C1QTNF3: variants seen among roughly 807,000 people sequenced by gnomAD.
C1QTNF3 encodes C1q and TNF related 3, also known as complement C1q tumor necrosis factor-related protein 3.
In C1QTNF3, 26 loss-of-function variants were observed where a neutral mutation model predicts 32.6. The observed-to-expected ratio is 0.80, with a 90% CI of 0.58 to 1.11. The LOEUF (loss-of-function observed/expected upper bound fraction) is 1.11. Ranked by LOEUF, C1QTNF3 falls within the 50% of genes least tolerant of loss-of-function variation. C1QTNF3 has a pLI of 0.00. For missense variants in C1QTNF3, 362 were observed against 398.2 expected, an observed-to-expected ratio of 0.91 and a Z score of 0.77; for synonymous variants, 155 against 146.0, an observed-to-expected ratio of 1.06 and a Z score of -0.44.
chr5:34,157,292 T>C, the C1QTNF3 span, among the ~76,000 whole-genome samples: 2 of 152,234 alleles, frequency 1.3e-5, no homozygotes, highest in Non-Finnish European at 2.9e-5. Context: ...CTGTGTTATA[T>C]ACCAAACTTT....
chr5:34,101,698 A>G, the C1QTNF3 span, among the ~76,000 whole-genome samples: 1 of 152,180 alleles, frequency 6.6e-6, no homozygotes, highest in Admixed American at 6.5e-5. Context: ...TCTCTCCAGA[A>G]GGCCACAGAA....
At chr5:34,035,812 G>A (rs1754723856) in intron 1 of C1QTNF3, 54 bp from the exon 2 acceptor site, 2 of 1,392,442 alleles carry the variant, frequency 1.4e-6, no homozygotes, top group Non-Finnish European at 2.0e-6. Context: ...GAGCAATTAG[G>A]ATTTTTAAAT....
rs1047489328 is a variant in C1QTNF3 at position 34,022,205 on chromosome 5, G to A, written c.801-1463C>T. Among the ~76,000 whole-genome samples, 7 of 152,216 alleles carry A rather than the reference G, an allele frequency of 4.6e-5. No homozygotes were observed. The South Asian group carries it at 8.3e-4, about 18-fold the overall frequency. ...CCAGCTAAGTAAATAGAGTAAAATC[G>A]AGTAAAAAACAGAGTAAAAGCCTGC... On this transcript the variant is annotated intron_variant, in intron 5 of 5. Coordinates refer to ENST00000382065, the MANE Select transcript of C1QTNF3 (RefSeq NM_181435.6).
the C1QTNF3 span, among the ~76,000 whole-genome samples, chr5:34,091,097 A>G: frequency 6.6e-6 from 1 of 152,172 alleles, no homozygotes; most frequent in Non-Finnish European, 1.5e-5. Flanking sequence ...CTCCTGTCCC[A>G]AAGGGGTTGA....
chr5:34,174,034 G>C, the C1QTNF3 span, among the ~76,000 whole-genome samples: 2 of 152,158 alleles, frequency 1.3e-5, no homozygotes, highest in East Asian at 3.8e-4. Flanking sequence ...TTTCGATTTG[G>C]CTTATATGAT....
the C1QTNF3 span, among the ~76,000 whole-genome samples, chr5:34,121,892 G>A: frequency 2.0e-5 from 3 of 152,004 alleles, no homozygotes; most frequent in Admixed American, 6.6e-5. Flanking sequence ...GAGCTGTTCC[G>A]CCATTTGAAT....
In C1QTNF3 at chr5:34,043,019, A is replaced by G. The variant is rs1754913056; in HGVS notation, c.107T>C (p.Val36Ala). ...GTGGCTTTGCACTATTCTTGCCACCACTTTATTAGTTCTTCCGCTCACCTC... is the reference window on the plus strand; with the variant it reads ...GTGGCTTTGCACTATTCTTGCCACCGCTTTATTAGTTCTTCCGCTCACCTC... ...YMEVSGRTNK[V>A]VARIVQSHQQ... is the part of the protein sequence containing the mutation. The change falls in exon 1 of 6, where the codon GTG becomes GCG. Residue 36 changes from valine to alanine, a missense_variant. By Grantham distance (64) the Val-to-Ala change is moderately conservative. Transcript: ENST00000382065. The G allele has an allele frequency of 1.2e-6, 2 of 1,614,168 alleles. No individual in the cohort carries two copies. Among genetic ancestry groups the G allele is most frequent in the South Asian group, 2.2e-5 (2 of 91,090 alleles).
the C1QTNF3 span, among the ~76,000 whole-genome samples, chr5:34,118,834 A>C: frequency 1.3e-5 from 2 of 152,052 alleles, no homozygotes; most frequent in African/African-American, 2.4e-5. Flanking sequence ...CACATTGAAA[A>C]GGTTACAATC....
At chr5:34,134,685 T>C in the C1QTNF3 span, among the ~76,000 whole-genome samples, 1 of 152,198 alleles carries the variant, frequency 6.6e-6, no homozygotes, top group Non-Finnish European at 1.5e-5. Flanking sequence ...TTCGTAGCAA[T>C]TGTGAATGGG....
the C1QTNF3 span, among the ~76,000 whole-genome samples, chr5:34,143,073 C>A: frequency 6.6e-6 from 1 of 152,156 alleles, no homozygotes; most frequent in Non-Finnish European, 1.5e-5. Context: ...AGATTAGTAA[C>A]TTTTTAAAGA....
At chr5:34,121,929 A>G in the C1QTNF3 span, among the ~76,000 whole-genome samples, 15 of 152,222 alleles carry the variant, frequency 9.9e-5, 1 homozygote, top group Admixed American at 9.8e-4. Flanking sequence ...GATGTTTATG[A>G]ACCAGCAAGT....
chr5:34,237,987 C>T, the C1QTNF3 span, among the ~76,000 whole-genome samples: 2 of 152,196 alleles, frequency 1.3e-5, no homozygotes, highest in Admixed American at 6.5e-5. Flanking sequence ...TCTTAAGCAC[C>T]ATGCATTGGA....
At chr5:34,203,315 A>G in the C1QTNF3 span, among the ~76,000 whole-genome samples, 3 of 152,236 alleles carry the variant, frequency 2.0e-5, no homozygotes, top group East Asian at 5.8e-4. Context: ...AAATAGCAAT[A>G]TGGCAGAAAG....
chr5:34,237,655 T>C, the C1QTNF3 span, among the ~76,000 whole-genome samples: 3 of 151,832 alleles, frequency 2.0e-5, no homozygotes, highest in Admixed American at 6.5e-5. Context: ...AGGCAGATCT[T>C]GAGAGAGAAA....
the C1QTNF3 span, among the ~76,000 whole-genome samples, chr5:34,072,533 T>A: frequency 3.9e-5 from 6 of 152,300 alleles, no homozygotes; most frequent in South Asian, 1.2e-3. Flanking sequence ...GGCAGAAATG[T>A]CAGTAGAAAC....
the C1QTNF3 span, among the ~76,000 whole-genome samples, chr5:34,143,694 C>T: frequency 2.0e-5 from 3 of 152,128 alleles, no homozygotes; most frequent in Non-Finnish European, 4.4e-5. Flanking sequence ...TAAACTTCAT[C>T]AATGAAGAAA....
the C1QTNF3 span, chr5:34,175,568 G>T: frequency 2.5e-5 from 9 of 354,326 alleles, no homozygotes; most frequent in Non-Finnish European, 1.6e-5. Context: ...AGGCAAGCTA[G>T]CCATTTCCAT....
the C1QTNF3 span, among the ~76,000 whole-genome samples, chr5:34,197,873 A>T: frequency 2.0e-5 from 3 of 152,072 alleles, no homozygotes; most frequent in African/African-American, 7.3e-5. Context: ...TTTTTAGTTC[A>T]TAGATTACTG....
chr5:34,058,775 T>C, the C1QTNF3 span, among the ~76,000 whole-genome samples: 1 of 152,218 alleles, frequency 6.6e-6, no homozygotes, highest in African/African-American at 2.4e-5. Flanking sequence ...TGCCCTGACA[T>C]GCTGTTTGTC....
Sources: gnomAD v4.1 joint callset for allele counts (sites outside exome capture counted in the v4.1 genomes callset) on GRCh38, gnomAD v4.1.1 for gene constraint, MANE v1.5 for transcripts, NCBI Gene and HGNC (gene_info 2026-07-23, HGNC 2026-07-21) for gene names.